The following ENPP4 variants were observed in gnomAD, a reference collection of about 807,000 sequenced individuals.
ENPP4 encodes ectonucleotide pyrophosphatase/phosphodiesterase 4, also known as bis(5'-adenosyl)-triphosphatase ENPP4.
ENPP4 carries 18 observed loss-of-function variants against 33.4 expected under a neutral mutation model. The ratio of observed to expected loss-of-function variants is 0.54; its 90% CI spans 0.37 to 0.80. ENPP4 has a LOEUF of 0.80. Among genes scored for constraint, ENPP4 ranks in the 30% least tolerant of loss-of-function variants. The probability of loss-of-function intolerance (pLI) is 0.00; values close to 1 mark genes in which losing one functional copy is unlikely to be tolerated. For missense variants in ENPP4, 480 were observed against 541.7 expected (o/e 0.89, Z 1.13); for synonymous variants, 172 against 189.9 (o/e 0.91, Z 0.78).
rs1375814829 is a variant in ENPP4, at chr6:46,140,112, C to T, written c.529C>T (p.Pro177Ser). ...ITMWLNNSNP[P>S]VTFATLYWEE... is the part of the protein sequence containing the mutation. Reference sequence around the variant, plus strand: ...TATGTGGCTAAACAATTCGAACCCACCAGTCACCTTTGCAACACTATATTG... The same window carrying T: ...TATGTGGCTAAACAATTCGAACCCATCAGTCACCTTTGCAACACTATATTG... The change falls in exon 2 of 4, where the codon CCA (proline) becomes TCA (serine). Residue 177 changes from proline to serine, a missense_variant. Transcript: ENST00000321037. 1.2e-6 allele frequency: 2 copies of T among 1,612,480 alleles called. No homozygotes were observed. Among genetic ancestry groups the T allele is most frequent in the African/African-American group, 1.3e-5 (1 of 74,918 alleles).
rs571955316 is a variant in ENPP4 at position 46,130,778 on chromosome 6, G to T, written c.-34+589G>T. Among the ~76,000 whole-genome samples, 4 of 152,284 alleles carry T rather than the reference G, an allele frequency of 2.6e-5. No individual in the cohort carries two copies. The South Asian group carries it at 8.3e-4, about 32-fold the overall frequency. ...GTCACAACCACCCTATGAGATCATA[G>T]CATTCCCATTTTACAGATGACGAAA... is the stretch of plus-strand genomic sequence containing the variant. On this transcript the variant is annotated intron_variant, in intron 1 of 3. Coordinates refer to ENST00000321037, the MANE Select transcript of ENPP4 (RefSeq NM_014936.5).
rs1764096061 is a variant in ENPP4, at chr6:46,143,326, G to T, written c.1048G>T (p.Ala350Ser). ...TTTGCCTAGTATGCATCCATTTCTA[G>T]CTGCCCACGGACCTGCATTTCACAA... ...NSLPSMHPFL[A>S]AHGPAFHKGY... The change falls in exon 4 of 4, where the codon GCT (alanine) becomes TCT (serine). Residue 350 changes from alanine to serine, a missense_variant. Ala to Ser is a moderately conservative substitution (Grantham distance 99). This residue lies in a region of ENPP4 where 249 missense variants were observed against 251.8 expected (regional missense o/e 0.99). Transcript: ENST00000321037. 6.2e-7 allele frequency: 1 copy of T among 1,607,616 alleles called. No individual in the cohort carries two copies. Among genetic ancestry groups the T allele is most frequent in the Non-Finnish European group, 8.5e-7 (1 of 1,175,124 alleles).
chr6:46,140,092 G>A lies in ENPP4; in HGVS notation c.509G>A (p.Trp170Ter). The A allele has an allele frequency of 6.2e-7, 1 of 1,612,472 alleles. No homozygotes were observed. Among genetic ancestry groups the A allele is most frequent in the South Asian group, 1.1e-5 (1 of 91,018 alleles). Residue 170 changes from tryptophan to a stop codon, truncating the protein, a stop_gained, in exon 2 of 4, where the codon TGG becomes TAG. Transcript: ENST00000321037. LOFTEE classifies it high-confidence loss of function. ...GAAAGACTAAATAATATTACTATGT[G>A]GCTAAACAATTCGAACCCACCAGTC... ...FEERLNNITM[W>*]LNNSNPPVTF...
At chr6:46,134,500 G>A (rs1253062983) in intron 1 of ENPP4, among the ~76,000 whole-genome samples, 1 of 152,106 alleles carries the variant, frequency 6.6e-6, no homozygotes, top group Admixed American at 6.5e-5. Flanking sequence ...TGTTTTGTGG[G>A]AGAGGACGGA....
chr6:46,136,220 A>G (rs1171667041), intron 1 of ENPP4, among the ~76,000 whole-genome samples: 1 of 151,982 alleles, frequency 6.6e-6, no homozygotes, highest in African/African-American at 2.4e-5. Context: ...CTGATTTATT[A>G]TTTTGGTTCT....
intron 1 of ENPP4, among the ~76,000 whole-genome samples, chr6:46,136,202 T>C (rs1053881593): frequency 6.6e-6 from 1 of 152,050 alleles, no homozygotes; most frequent in Non-Finnish European, 1.5e-5. Context: ...CTTTTTCCAG[T>C]TGGCAGCCTG....
Position 46,140,291 on chromosome 6 carries a change from T to G in ENPP4, c.708T>G (p.Ser236Arg). 1.2e-6 allele frequency: 2 copies of G among 1,612,440 alleles called. No homozygotes were observed. Among genetic ancestry groups the G allele is most frequent in the Non-Finnish European group, 1.7e-6 (2 of 1,178,898 alleles). ...LWENLNVIIT[S>R]DHGMTQCSQD... ...AAAATCTTAATGTGATCATTACAAG[T>G]GATCATGGGATGACCCAGTGTTCTC... The change falls in exon 2 of 4, where the codon AGT becomes AGG. Residue 236 changes from serine to arginine, a missense_variant. Around this residue, in one of 3 missense-constraint regions of ENPP4, gnomAD observed 4 missense variants for 16.1 expected, o/e 0.25. Transcript: ENST00000321037.
intron 3 of ENPP4, among the ~76,000 whole-genome samples, chr6:46,141,957 G>A (rs1173779897): frequency 6.6e-6 from 1 of 151,546 alleles, no homozygotes; most frequent in African/African-American, 2.4e-5. Flanking sequence ...TTGTGTAAAA[G>A]TAGCCATAGA....
In ENPP4 at chr6:46,143,431, A is replaced by G; in HGVS notation, c.1153A>G (p.Asn385Asp). 1.2e-6 allele frequency: 2 copies of G among 1,612,832 alleles called. No individual in the cohort carries two copies. Among genetic ancestry groups the G allele is most frequent in the South Asian group, 1.1e-5 (1 of 91,060 alleles). Reference sequence around the variant, plus strand: ...CATCCTGGGATTAAAACCACATCCCAATAATGGGACCTTTGGTCATACTAA... The same window carrying G: ...CATCCTGGGATTAAAACCACATCCCGATAATGGGACCTTTGGTCATACTAA... ...CHILGLKPHPNNGTFGHTKCL... is the reference protein window; with the variant it reads ...CHILGLKPHPDNGTFGHTKCL... The change falls in exon 4 of 4, where the codon AAT (asparagine) becomes GAT (aspartate). Residue 385 changes from asparagine (N) to aspartate (D), a missense_variant. Coordinates refer to ENST00000321037, the MANE Select transcript of ENPP4 (RefSeq NM_014936.5).
chr6:46,139,528 T>C, intron 1 of ENPP4, 23 bp from the exon 2 acceptor site: 4 of 915,058 alleles, frequency 4.4e-6, no homozygotes, highest in Non-Finnish European at 7.0e-6. Context: ...TTACTACTTA[T>C]GAGTTGTGTT....
chr6:46,137,261 C>CA (rs1356115595), intron 1 of ENPP4, among the ~76,000 whole-genome samples: 1 of 151,602 alleles, frequency 6.6e-6, no homozygotes, highest in Non-Finnish European at 1.5e-5. Context: ...TAGTGTTTTT[C>CA]AAAAATTAAG....
At chr6:46,134,683 CT>C (rs1763954366) in intron 1 of ENPP4, among the ~76,000 whole-genome samples, 1 of 151,964 alleles carries the variant, frequency 6.6e-6, no homozygotes, top group Admixed American at 6.6e-5. Flanking sequence ...TCCCTCTGCT[CT>C]TTTTTAAAAA....
In ENPP4 at chr6:46,143,800, G is replaced by A. The variant is rs1008124589; in HGVS notation, c.*160G>A. 26 of 722,674 alleles carry A rather than the reference G, an allele frequency of 3.6e-5. 2 individuals carry two copies. Among genetic ancestry groups the A allele is most frequent in the South Asian group, 1.7e-4 (8 of 46,084 alleles). 44.8% of individuals were successfully genotyped at this position (722,674 alleles called of 1,614,324 possible). A position where few individuals can be genotyped will look rare whatever the true frequency, so the allele number is the denominator to read the frequency against. Reference sequence around the variant, plus strand: ...CTTTGTTTTCCTTGTGTTTTGTTTCGGTGCATTTGCTAATAAGATAACGCT... The same window carrying A: ...CTTTGTTTTCCTTGTGTTTTGTTTCAGTGCATTTGCTAATAAGATAACGCT... On this transcript the variant is annotated 3_prime_UTR_variant, in exon 4 of 4. Transcript: ENST00000321037.
intron 1 of ENPP4, among the ~76,000 whole-genome samples, chr6:46,133,706 A>G (rs537648567): frequency 9.9e-5 from 15 of 152,220 alleles, no homozygotes; most frequent in Non-Finnish European, 1.9e-4. Flanking sequence ...AATTTCTCTC[A>G]ATGTTTTATA....
Position 46,130,035 on chromosome 6 carries a change from C to A in ENPP4, c.-188C>A, listed in dbSNP as rs1331339266. On this transcript the variant is annotated 5_prime_UTR_variant, in exon 1 of 4. Coordinates refer to ENST00000321037, the MANE Select transcript of ENPP4 (RefSeq NM_014936.5). ...GCAGATAGGGACGTTGGGGCTGTGC[C>A]CCGCGGCGCGGCGCCTGCCACTGCG... 2 of 152,072 alleles carry A rather than the reference C, an allele frequency of 1.3e-5. No homozygotes were observed. The highest frequency in any genetic ancestry group is 2.9e-5 in the Non-Finnish European group (2 of 67,936). 9.4% of individuals were successfully genotyped at this position (152,072 alleles called of 1,614,324 possible).
Position 46,146,065 on chromosome 6 carries a change from A to G in ENPP4, c.*2425A>G, listed in dbSNP as rs1221036205. 2.0e-5 allele frequency: 3 copies of G among 151,922 alleles called. No individual in the cohort carries two copies. The highest frequency in any genetic ancestry group is 6.6e-5 in the Admixed American group (1 of 15,228). The allele number at this position is 151,922 out of a possible 1,614,324, so 9.4% of individuals were successfully genotyped here. A position where few individuals can be genotyped will look rare whatever the true frequency, so the allele number is the denominator to read the frequency against. ...GGTGTAGAAAGTATTTGGCTCTAGG[A>G]AACATTTACTTGTTTGTGAAAACAA... On this transcript the variant is annotated 3_prime_UTR_variant, in exon 4 of 4. Transcript: ENST00000321037.
intron 1 of ENPP4, among the ~76,000 whole-genome samples, chr6:46,131,515 C>A (rs1262998515): frequency 6.6e-6 from 1 of 152,082 alleles, no homozygotes; most frequent in East Asian, 1.9e-4. Flanking sequence ...GCATAGTATT[C>A]CATGGTGTAT....
In ENPP4 at chr6:46,139,553, A is replaced by G; in HGVS notation, c.-31A>G. ...TGAGTTGTGTTTTTACATTTTAGGA[A>G]CCCTGATTGCTGTCCTTCAACGTGT... On this transcript the variant is annotated splice_region_variant and 5_prime_UTR_variant, in exon 2 of 4. Coordinates refer to ENST00000321037, the MANE Select transcript of ENPP4 (RefSeq NM_014936.5). The G allele has an allele frequency of 1.7e-6, 2 of 1,144,366 alleles. No homozygotes were observed. The highest frequency in any genetic ancestry group is 1.3e-6 in the Non-Finnish European group (1 of 766,400). 70.9% of individuals were successfully genotyped at this position (1,144,366 alleles called of 1,614,324 possible). A position where few individuals can be genotyped will look rare whatever the true frequency, so the allele number is the denominator to read the frequency against.
At chr6:46,143,139 C>A (rs1764092567) in intron 3 of ENPP4, 137 bp from the exon 4 acceptor site, 7 of 780,292 alleles carry the variant, frequency 9.0e-6, no homozygotes, top group Non-Finnish European at 1.4e-5. Context: ...AAATATGGAA[C>A]ATAGCTGAGT....
Sources: gnomAD v4.1 joint callset for allele counts (sites outside exome capture counted in the v4.1 genomes callset) on GRCh38, gnomAD v4.1.1 for gene constraint, gnomAD v4.1.1 regional missense constraint, MANE v1.5 for transcripts, NCBI Gene and HGNC (gene_info 2026-07-23, HGNC 2026-07-21) for gene names.